Variants in FGF14 observed in about 807,000 individuals in gnomAD.
The protein encoded by FGF14 is fibroblast growth factor 14, also known as fibroblast growth factor homologous factor 4.
A neutral mutation model predicts 25.5 loss-of-function variants in FGF14; 5 were observed. The observed-to-expected ratio is 0.20, with a 90% CI of 0.10 to 0.41. The LOEUF is 0.41. FGF14 is among the 10% of genes least tolerant of loss of function. The probability of loss-of-function intolerance (pLI) is 1.00; values close to 1 mark genes in which losing one functional copy is unlikely to be tolerated. For missense variants in FGF14, 222 were observed against 320.1 expected (o/e 0.69, Z 2.34); for synonymous variants, 138 against 118.3 (o/e 1.17, Z -1.08).
chr13:102,012,538 A>C (rs1566570063), intron 1 of FGF14, among the ~76,000 whole-genome samples: 1 of 152,186 alleles, frequency 6.6e-6, no homozygotes, highest in Admixed American at 6.5e-5. Context: ...AGCTAGACAA[A>C]CATGAGGCAG....
At chr13:102,023,533 C>G (rs1481362972) in intron 1 of FGF14, among the ~76,000 whole-genome samples, 2 of 151,736 alleles carry the variant, frequency 1.3e-5, no homozygotes, top group African/African-American at 4.8e-5. Flanking sequence ...AACATCACCA[C>G]TCTCTAATTT....
chr13:102,297,129 G>A (rs1429876019), intron 1 of FGF14, among the ~76,000 whole-genome samples: 1 of 152,068 alleles, frequency 6.6e-6, no homozygotes, highest in Non-Finnish European at 1.5e-5. Flanking sequence ...TCAAGTGATG[G>A]GAAAAGGTGG....
chr13:102,063,373 G>A (rs1373728050), intron 1 of FGF14, among the ~76,000 whole-genome samples: 5 of 152,172 alleles, frequency 3.3e-5, no homozygotes, highest in African/African-American at 1.2e-4. Flanking sequence ...TGAGCACTGT[G>A]AGAGGCCAAG....
intron 3 of FGF14, among the ~76,000 whole-genome samples, chr13:101,765,553 C>T (rs569969736): frequency 1.3e-5 from 2 of 152,194 alleles, no homozygotes; most frequent in Admixed American, 6.5e-5. Flanking sequence ...AGAATTGGTT[C>T]GTTATACCTT....
At chr13:102,254,278 T>C (rs1206711887) in intron 1 of FGF14, among the ~76,000 whole-genome samples, 1 of 152,194 alleles carries the variant, frequency 6.6e-6, no homozygotes. Flanking sequence ...GCAGGTTGTC[T>C]GTGAGGGTTC....
At chr13:102,078,369 C>T (rs2043459517) in intron 1 of FGF14, among the ~76,000 whole-genome samples, 1 of 152,072 alleles carries the variant, frequency 6.6e-6, no homozygotes. Context: ...TATTTCAAAA[C>T]AGCGTGATGT....
chr13:102,249,411 G>A (rs1179400175), intron 1 of FGF14, among the ~76,000 whole-genome samples: 1 of 152,174 alleles, frequency 6.6e-6, no homozygotes, highest in South Asian at 2.1e-4. Flanking sequence ...AGAAAGAAAA[G>A]GTTGGCCTTG....
At chr13:101,759,128 AAC>A (rs1471442674) in intron 3 of FGF14, among the ~76,000 whole-genome samples, 1 of 152,168 alleles carries the variant, frequency 6.6e-6, no homozygotes, top group Non-Finnish European at 1.5e-5. Flanking sequence ...TCTGCATCCA[AAC>A]ACACGTTGAT....
rs1332007094 is a variant in FGF14 at position 101,712,854 on chromosome 13, T to C, written c.*9977A>G. On this transcript the variant is annotated 3_prime_UTR_variant, in exon 5 of 5. Coordinates refer to ENST00000376143, the MANE Select transcript of FGF14 (RefSeq NM_004115.4). ...AAAATCAGGAAATTCCTCACCTTGA[T>C]GAGACCACAAGGGAACCAGCATCCT... is the stretch of plus-strand genomic sequence containing the variant. 6.6e-6 allele frequency: 1 copy of C among 152,166 alleles called. No homozygotes were observed. The highest frequency in any genetic ancestry group is 1.5e-5 in the Non-Finnish European group (1 of 68,044). The allele number at this position is 152,166 out of a possible 1,614,324, so 9.4% of individuals were successfully genotyped here.
intron 3 of FGF14, among the ~76,000 whole-genome samples, chr13:101,747,787 A>T (rs2036984374): frequency 6.6e-6 from 1 of 151,974 alleles, no homozygotes; most frequent in Non-Finnish European, 1.5e-5. Flanking sequence ...CATCAGCAAC[A>T]ACAAAACACC....
intron 3 of FGF14, among the ~76,000 whole-genome samples, chr13:101,754,326 C>T (rs1286845195): frequency 6.6e-6 from 1 of 152,170 alleles, no homozygotes; most frequent in Non-Finnish European, 1.5e-5. Flanking sequence ...TCTTTGTTGC[C>T]AAGAGTTATC....
rs1338831007 is a variant in FGF14, at chr13:102,365,656, C to T, written c.208+35815G>A. On this transcript the variant is annotated intron_variant, in intron 1 of 4. Transcript: ENST00000376131. ...AATCTCTCATCAGTTCTCTGTCTCA[C>T]TCACCTTGCTAAGGTCCTCATGTCT... Among the ~76,000 whole-genome samples, 3 of 152,172 alleles carry T rather than the reference C, an allele frequency of 2.0e-5. No individual in the cohort carries two copies. The South Asian group carries it at 6.2e-4, about 32-fold the overall frequency.
At chr13:102,164,079 T>G (rs2047896456) in intron 1 of FGF14, among the ~76,000 whole-genome samples, 1 of 152,158 alleles carries the variant, frequency 6.6e-6, no homozygotes. Flanking sequence ...CAGTGTAATG[T>G]CACTTACAGG....
At chr13:102,051,326 T>C (rs779567461) in intron 1 of FGF14, among the ~76,000 whole-genome samples, 1 of 150,044 alleles carries the variant, frequency 6.7e-6, no homozygotes, top group Non-Finnish European at 1.5e-5. Context: ...GTTACCAGCA[T>C]GGTAGTGGGG....
intron 1 of FGF14, among the ~76,000 whole-genome samples, chr13:101,927,887 G>A (rs1008176914): frequency 1.3e-5 from 2 of 152,192 alleles, no homozygotes; most frequent in African/African-American, 4.8e-5. Context: ...AAGGGAGGAT[G>A]AGACTCAGAC....
chr13:101,862,777 A>G (rs1336880896), intron 3 of FGF14, among the ~76,000 whole-genome samples: 1 of 152,138 alleles, frequency 6.6e-6, no homozygotes. Context: ...TGGCCAAGAT[A>G]CCAAGAAAGG....
intron 1 of FGF14, among the ~76,000 whole-genome samples, chr13:102,372,476 T>G (rs2057913961): frequency 6.6e-6 from 1 of 152,150 alleles, no homozygotes. Flanking sequence ...CAGGAAAGTC[T>G]TGGTTGACGT....
chr13:101,884,085 A>AAAAAAAAAAAAAAAAAAC (rs2045866936), intron 1 of FGF14, among the ~76,000 whole-genome samples: 1 of 148,206 alleles, frequency 6.7e-6, no homozygotes, highest in African/African-American at 2.5e-5. Context: ...AAAAAAAAAA[A>AAAAAAAAAAAAAAAAAAC]AAGACAAGGA....
chr13:102,240,510 C>T lies in FGF14; in HGVS notation c.208+160961G>A, dbSNP rs148613634. On this transcript the variant is annotated intron_variant, in intron 1 of 4. Transcript: ENST00000376131. ...AAAATAATAGACCAATTTTCTGCTT[C>T]CCACCATATCTGGTTTATAGTCTCC... Among the ~76,000 whole-genome samples the T allele has an allele frequency of 4.1e-3, 621 of 152,272 alleles. 2 individuals carry two copies. Among genetic ancestry groups the T allele is most frequent in the African/African-American group, 0.014 (595 of 41,556 alleles).
Sources: gnomAD v4.1 joint callset for allele counts (sites outside exome capture counted in the v4.1 genomes callset) on GRCh38, gnomAD v4.1.1 for gene constraint, MANE v1.5 for transcripts, NCBI Gene and HGNC (gene_info 2026-07-23, HGNC 2026-07-21) for gene names.